Variants in SPG11 observed in about 807,000 individuals in gnomAD.
The protein encoded by SPG11 is SPG11 vesicle trafficking associated, spatacsin, also known as spatacsin.
Under a neutral mutation model 274.0 loss-of-function variants are expected in SPG11, and 222 were observed. The ratio of observed to expected loss-of-function variants is 0.81; its 90% CI spans 0.73 to 0.91. SPG11 has a LOEUF of 0.91. SPG11 is among the 40% of genes least tolerant of loss of function. SPG11 has a pLI of 0.00. For synonymous variants in SPG11, 1,144 were observed against 1,039.7 expected, an observed-to-expected ratio of 1.10 and a Z score of -1.93; for missense variants, 3,114 against 2,872.7, an observed-to-expected ratio of 1.08 and a Z score of -1.92.
intron 1 of SPG11, among the ~76,000 whole-genome samples, chr15:44,662,779 T>C (rs971963783): frequency 3.2e-4 from 48 of 152,206 alleles, no homozygotes; most frequent in African/African-American, 1.2e-3. Flanking sequence ...TGCATTATTG[T>C]AATCATGTTT....
At chr15:44,568,284 G>T (rs926616411) in intron 35 of SPG11, among the ~76,000 whole-genome samples, 3 of 152,164 alleles carry the variant, frequency 2.0e-5, no homozygotes, top group Non-Finnish European at 4.4e-5. Flanking sequence ...AAATGCAGAA[G>T]GAAAACTGCC....
intron 7 of SPG11, among the ~76,000 whole-genome samples, chr15:44,641,628 CACACAA>C (rs998854743): frequency 2.0e-5 from 3 of 149,768 alleles, no homozygotes; most frequent in African/African-American, 7.4e-5. Context: ...CACACACACA[CACACAA>C]AACCTTAATC....
chr15:44,647,629 T>C (rs752070097), intron 7 of SPG11, among the ~76,000 whole-genome samples: 5 of 152,222 alleles, frequency 3.3e-5, no homozygotes, highest in East Asian at 1.9e-4. Context: ...TGGATGAACT[T>C]TGAAAACATG....
rs1460081112 is a variant in SPG11, at chr15:44,651,609, C to T, written c.1338G>A (p.Met446Ile). The part of the protein sequence containing the change: ...TALFTWEVER[M>I]GYTITLWDLE... ...AATCCCAGAGGGTAATGGTATAGCC[C>T]ATCCTTTCCACTTCCCAAGTAAACA... is the stretch of plus-strand genomic sequence containing the variant. The change falls in exon 6 of 40, where the codon ATG becomes ATA. Residue 446 changes from methionine (M) to isoleucine (I), a missense_variant. Coordinates refer to ENST00000261866, the MANE Select transcript of SPG11 (RefSeq NM_025137.4). 1.2e-6 allele frequency: 2 copies of T among 1,614,090 alleles called. No homozygotes were observed. The highest frequency in any genetic ancestry group is 1.7e-5 in the Admixed American group (1 of 60,012).
intron 9 of SPG11, 141 bp from the exon 10 acceptor site, chr15:44,628,985 T>G (rs2083980995): frequency 1.1e-6 from 1 of 948,948 alleles, no homozygotes; most frequent in Non-Finnish European, 1.6e-6. Flanking sequence ...ATTTTCCTTT[T>G]TACAAGTAAG....
At chr15:44,655,876 G>C (rs566005736) in intron 4 of SPG11, among the ~76,000 whole-genome samples, 1 of 152,178 alleles carries the variant, frequency 6.6e-6, no homozygotes, top group South Asian at 2.1e-4. Context: ...ACTAATAATA[G>C]GACAATTACA....
intron 3 of SPG11, 96 bp downstream of exon 3, chr15:44,658,983 A>G: frequency 8.6e-7 from 1 of 1,166,248 alleles, no homozygotes; most frequent in Non-Finnish European, 1.3e-6. Context: ...CACACTTCCT[A>G]TATCCCAGCT....
At position 44,660,599 on chromosome 15, in the gene SPG11, G is replaced by A. The variant is rs749964630; in HGVS notation, c.275C>T (p.Ser92Phe). 8 of 1,614,040 alleles carry A rather than the reference G, an allele frequency of 5.0e-6. No homozygotes were observed. The highest frequency in any genetic ancestry group is 6.8e-6 in the Non-Finnish European group (8 of 1,179,998). Residue 92 changes from serine (S) to phenylalanine (F), a missense_variant, in exon 2 of 40, where the codon TCT becomes TTT. Transcript: ENST00000261866. ...GPFWHFLWEDSRNSSTPTEKP... is the reference protein window; with the variant it reads ...GPFWHFLWEDFRNSSTPTEKP... ...TTCAGTTGGTGTGCTGCTGTTACGA[G>A]AATCCTCCCATAGAAAGCTAAGAAA...
Position 44,569,164 on chromosome 15 carries a change from C to CAA in SPG11, c.6585+232_6585+233dup, listed in dbSNP as rs1188132986. 6.9e-3 allele frequency among the ~76,000 whole-genome samples: 493 copies of CAA among 71,134 alleles called. 4 individuals carry two copies. Among genetic ancestry groups the CAA allele is most frequent in the African/African-American group, 0.024 (475 of 20,052 alleles). 46.7% of individuals were successfully genotyped at this position (71,134 alleles called of 152,430 possible). Reference sequence around the variant, plus strand: ...CTGAGAAACGAGCGAAACTCCGTCTCAAAAAAAAAAAAAAGAAAAAGAAAA... The same window carrying CAA: ...CTGAGAAACGAGCGAAACTCCGTCTCAAAAAAAAAAAAAAAAGAAAAAGAAAA... On this transcript the variant is annotated intron_variant, in intron 35 of 39. Transcript: ENST00000261866.
In SPG11 at chr15:44,600,303, T is replaced by C. The variant is rs2083152322; in HGVS notation, c.3686+164A>G. ...ATATTTTATTTTACTTTTTTTGTTT[T>C]AGTGGCAGAGCCTCACTGTCACCCA... On this transcript the variant is annotated intron_variant, in intron 21 of 39. Transcript: ENST00000261866. The C allele has an allele frequency of 4.4e-6, 3 of 685,316 alleles. No homozygotes were observed. In the South Asian group the frequency reaches 5.0e-5, roughly 11 times the overall value. The allele number at this position is 685,316 out of a possible 1,614,324, so 42.5% of individuals were successfully genotyped here. A position where few individuals can be genotyped will look rare whatever the true frequency, so the allele number is the denominator to read the frequency against.
intron 7 of SPG11, among the ~76,000 whole-genome samples, chr15:44,647,979 T>C (rs923288565): frequency 2.0e-5 from 3 of 152,204 alleles, no homozygotes; most frequent in African/African-American, 7.2e-5. Flanking sequence ...ACTGTGAGTA[T>C]AGCAGAAGGT....
Position 44,615,371 on chromosome 15 carries a change from G to A in SPG11, c.3030C>T (p.Asp1010=). 2 of 1,613,622 alleles carry A rather than the reference G, an allele frequency of 1.2e-6. No individual in the cohort carries two copies. Among genetic ancestry groups the A allele is most frequent in the Non-Finnish European group, 1.7e-6 (2 of 1,179,938 alleles). ...SLQHLLYVYL[D]CYKLSPENCP... Reference sequence around the variant, plus strand: ...GCATTCTCAGTACTCACTTGTAACAGTCAAGGTAGACATAAAGAAGATGCT... The same window carrying A: ...GCATTCTCAGTACTCACTTGTAACAATCAAGGTAGACATAAAGAAGATGCT... The change falls in exon 16 of 40, where the codon GAC becomes GAT. Residue 1010 remains aspartate, a synonymous_variant. Coordinates refer to ENST00000261866, the MANE Select transcript of SPG11 (RefSeq NM_025137.4).
intron 3 of SPG11, among the ~76,000 whole-genome samples, chr15:44,657,706 T>C (rs2084981261): frequency 6.6e-6 from 1 of 152,244 alleles, no homozygotes; most frequent in Non-Finnish European, 1.5e-5. Flanking sequence ...ATATTTTACT[T>C]AGAGCACATC....
chr15:44,633,787 T>C, intron 7 of SPG11, 150 bp from the exon 8 acceptor site: 1 of 755,352 alleles, frequency 1.3e-6, no homozygotes, highest in Non-Finnish European at 2.2e-6. Context: ...AGTGAGGATT[T>C]TGACAATGAC....
intron 8 of SPG11, among the ~76,000 whole-genome samples, chr15:44,629,785 G>T (rs1317239013): frequency 2.6e-5 from 4 of 152,110 alleles, no homozygotes; most frequent in Non-Finnish European, 5.9e-5. Context: ...AAAGTAAGTG[G>T]CAGGGCCGGG....
rs1567131767 is a variant in SPG11, at chr15:44,573,551, TC to T, written c.6200del (p.Gly2067GlufsTer20). Reference protein sequence around the residue: ...VTRELLTSSQGTGHKQMFNPT... With the variant: ...VTRELLTSSQXTGHKQMFNPT... The stretch of plus-strand genomic sequence containing the variant: ...AATCCCCGGGGGGTAGGGCACCTGT[TC>T]CCTGTGATGAAGTAAGCAGCTCCCG... On this transcript the variant is annotated frameshift_variant, in exon 32 of 40. Transcript: ENST00000261866. LOFTEE classifies it high-confidence loss of function. 6.2e-7 allele frequency: 1 copy of T among 1,614,150 alleles called. No individual in the cohort carries two copies. Among genetic ancestry groups the T allele is most frequent in the East Asian group, 2.2e-5 (1 of 44,886 alleles).
At chr15:44,634,319 G>C (rs1305829415) in intron 7 of SPG11, among the ~76,000 whole-genome samples, 1 of 152,134 alleles carries the variant, frequency 6.6e-6, no homozygotes, top group Non-Finnish European at 1.5e-5. Context: ...CTGTCACCCA[G>C]GCTGAGGTAC....
At chr15:44,649,116 A>T (rs2084689150) in intron 6 of SPG11, 105 bp from the exon 7 acceptor site, 1 of 848,546 alleles carries the variant, frequency 1.2e-6, no homozygotes, top group Admixed American at 2.2e-5. Flanking sequence ...TATAATTACA[A>T]ATATATTTAT....
chr15:44,588,695 T>C (rs2140955806), intron 28 of SPG11: 2 of 418,246 alleles, frequency 4.8e-6, no homozygotes, highest in East Asian at 1.5e-4. Context: ...TATATCTAAA[T>C]AGCTTGTTTA....
Sources: gnomAD v4.1 joint callset for allele counts (sites outside exome capture counted in the v4.1 genomes callset) on GRCh38, gnomAD v4.1.1 for gene constraint, MANE v1.5 for transcripts, NCBI Gene and HGNC (gene_info 2026-07-23, HGNC 2026-07-21) for gene names.